The following B3GAT2 variants were observed in gnomAD, a reference collection of about 807,000 sequenced individuals.
B3GAT2 encodes beta-1,3-glucuronyltransferase 2, also known as galactosylgalactosylxylosylprotein 3-beta-glucuronosyltransferase 2.
A neutral mutation model predicts 27.8 loss-of-function variants in B3GAT2; 26 were observed. That is an observed-to-expected ratio of 0.93 (90% CI 0.68 to 1.30). The LOEUF is 1.30. Ranked by LOEUF, B3GAT2 falls within the 50% of genes most tolerant of loss-of-function variation. The pLI is 0.00. For missense variants in B3GAT2, 458 were observed against 459.0 expected (o/e 1.00, Z 0.02); for synonymous variants, 218 against 195.1 (o/e 1.12, Z -0.98).
chr6:70,903,695 G>C (rs1410913507), intron 1 of B3GAT2, among the ~76,000 whole-genome samples: 1 of 151,578 alleles, frequency 6.6e-6, no homozygotes, highest in African/African-American at 2.4e-5. Flanking sequence ...AGAAATTAAA[G>C]CCACTACTGA....
chr6:70,860,733 C>CTGTA lies in B3GAT2; in HGVS notation c.*926_*929dup, dbSNP rs1205900702. 1 of 401,422 alleles carries CTGTA rather than the reference C, an allele frequency of 2.5e-6. No individual in the cohort carries two copies. The highest frequency in any genetic ancestry group is 4.4e-6 in the Non-Finnish European group (1 of 227,496). 24.9% of individuals were successfully genotyped at this position (401,422 alleles called of 1,614,324 possible). On this transcript the variant is annotated 3_prime_UTR_variant, in exon 4 of 4. Transcript: ENST00000230053. ...TAGCCAGTAATCCTGTAGGAAGGTA[C>CTGTA]TGTATGATCAAATGTTTAATCATAT...
intron 1 of B3GAT2, among the ~76,000 whole-genome samples, chr6:70,915,930 A>G (rs1772766192): frequency 6.6e-6 from 1 of 152,014 alleles, no homozygotes; most frequent in African/African-American, 2.4e-5. Context: ...TTTTTTTCCA[A>G]TTCTGTGAAG....
In B3GAT2 at chr6:70,857,643, A is replaced by G; in HGVS notation, c.*4020T>C. On this transcript the variant is annotated 3_prime_UTR_variant, in exon 4 of 4. Transcript: ENST00000230053. Reference sequence around the variant, plus strand: ...AACAGTGTATGATGTCATGCTACATAGTTTGGTCTTCACAGTGGAAGATAT... The same window carrying G: ...AACAGTGTATGATGTCATGCTACATGGTTTGGTCTTCACAGTGGAAGATAT... 1 of 425,054 alleles carries G rather than the reference A, an allele frequency of 2.4e-6. No homozygotes were observed. Among genetic ancestry groups the G allele is most frequent in the Non-Finnish European group, 4.3e-6 (1 of 232,100 alleles). 26.3% of individuals were successfully genotyped at this position (425,054 alleles called of 1,614,324 possible).
At chr6:70,872,906 G>A (rs1224078504) in intron 2 of B3GAT2, among the ~76,000 whole-genome samples, 1 of 151,872 alleles carries the variant, frequency 6.6e-6, no homozygotes, top group African/African-American at 2.4e-5. Context: ...TAACAGTTTA[G>A]TTCAGATTAA....
Position 70,956,671 on chromosome 6 carries a change from A to C in B3GAT2, c.-242T>G. On this transcript the variant is annotated 5_prime_UTR_variant, in exon 1 of 4. Transcript: ENST00000230053. ...GGCGGGCGGGCAGGGGCTGCCCCCG[A>C]CTCCAGGTGAGCTGGCGGGAAGCGG... is the stretch of plus-strand genomic sequence containing the variant. 7.5e-7 allele frequency: 1 copy of C among 1,341,942 alleles called. No individual in the cohort carries two copies. The highest frequency in any genetic ancestry group is 9.5e-7 in the Non-Finnish European group (1 of 1,047,906). 83.1% of individuals were successfully genotyped at this position (1,341,942 alleles called of 1,614,324 possible). A position where few individuals can be genotyped will look rare whatever the true frequency, so the allele number is the denominator to read the frequency against.
chr6:70,950,690 G>T (rs1185384768), intron 1 of B3GAT2, among the ~76,000 whole-genome samples: 1 of 152,164 alleles, frequency 6.6e-6, no homozygotes, highest in East Asian at 1.9e-4. Context: ...ATTTGTTTAA[G>T]TCCTCTGTAC....
chr6:70,939,038 C>T (rs1160955167), intron 1 of B3GAT2, among the ~76,000 whole-genome samples: 1 of 151,962 alleles, frequency 6.6e-6, no homozygotes, highest in Non-Finnish European at 1.5e-5. Flanking sequence ...ACAATGAACT[C>T]AAACAAATTT....
At chr6:70,907,875 C>T (rs1772626705) in intron 1 of B3GAT2, among the ~76,000 whole-genome samples, 1 of 152,124 alleles carries the variant, frequency 6.6e-6, no homozygotes, top group African/African-American at 2.4e-5. Flanking sequence ...CTGCAGCTGC[C>T]AATATTTAGT....
At chr6:70,895,188 C>T (rs528995270) in intron 1 of B3GAT2, among the ~76,000 whole-genome samples, 2 of 152,220 alleles carry the variant, frequency 1.3e-5, no homozygotes, top group South Asian at 2.1e-4. Context: ...GTGCCTTGGA[C>T]GAGGTATAAC....
At chr6:70,942,818 G>A (rs1765415558) in intron 1 of B3GAT2, among the ~76,000 whole-genome samples, 1 of 152,170 alleles carries the variant, frequency 6.6e-6, no homozygotes, top group Non-Finnish European at 1.5e-5. Context: ...CAGGTAGGTA[G>A]AAGGAATCTT....
At chr6:70,933,669 T>A (rs965026741) in intron 1 of B3GAT2, among the ~76,000 whole-genome samples, 1 of 152,194 alleles carries the variant, frequency 6.6e-6, no homozygotes, top group Non-Finnish European at 1.5e-5. Context: ...TTTATTTAGA[T>A]GTAAAACAAC....
chr6:70,918,208 A>G (rs1772806522), intron 1 of B3GAT2, among the ~76,000 whole-genome samples: 1 of 152,164 alleles, frequency 6.6e-6, no homozygotes, highest in Admixed American at 6.5e-5. Context: ...CTGTTTCATC[A>G]GAGACCAGGA....
Position 70,956,796 on chromosome 6 carries a change from G to C in B3GAT2, c.-367C>G. 1.8e-6 allele frequency: 2 copies of C among 1,085,968 alleles called. No homozygotes were observed. Among genetic ancestry groups the C allele is most frequent in the Non-Finnish European group, 2.2e-6 (2 of 894,156 alleles). 67.3% of individuals were successfully genotyped at this position (1,085,968 alleles called of 1,614,324 possible). A position where few individuals can be genotyped will look rare whatever the true frequency, so the allele number is the denominator to read the frequency against. On this transcript the variant is annotated 5_prime_UTR_variant, in exon 1 of 4. Coordinates refer to ENST00000230053, the MANE Select transcript of B3GAT2 (RefSeq NM_080742.3). Reference sequence around the variant, plus strand: ...CTTTCTGAAGAGTGGAAGCCGAGAAGCGGCACCCGGTGCGCCTCGCCGCTC... The same window carrying C: ...CTTTCTGAAGAGTGGAAGCCGAGAACCGGCACCCGGTGCGCCTCGCCGCTC...
chr6:70,905,889 GTGTGTGTGTGTGTGTA>G (rs1347795808), intron 1 of B3GAT2, among the ~76,000 whole-genome samples: 9 of 149,222 alleles, frequency 6.0e-5, no homozygotes, highest in Admixed American at 5.4e-4. Flanking sequence ...CTGGCACTGT[GTGTGTGTGTGTGTGTA>G]TGTGTGTGTG....
chr6:70,955,123 A>T (rs1478247000), intron 1 of B3GAT2, among the ~76,000 whole-genome samples: 1 of 152,150 alleles, frequency 6.6e-6, no homozygotes, highest in Admixed American at 6.5e-5. Flanking sequence ...GGGCTGCAAA[A>T]AAGACGTAAC....
rs1463127493 is a variant in B3GAT2 at position 70,955,884 on chromosome 6, G to A, written c.546C>T (p.Phe182=). The A allele has an allele frequency of 4.4e-6, 7 of 1,605,646 alleles. No homozygotes were observed. The highest frequency in any genetic ancestry group is 1.7e-5 in the Admixed American group (1 of 59,606). The change falls in exon 1 of 4, where the codon TTC becomes TTT. Residue 182 remains phenylalanine (F), a synonymous_variant. Transcript: ENST00000230053. ...QHQRAQPGVL[F]FADDDNTYSL... The stretch of plus-strand genomic sequence containing the variant: ...TATAGGTGTTGTCGTCGTCAGCGAA[G>A]AAGAGCACGCCGGGCTGCGCGCGCT...
intron 1 of B3GAT2, among the ~76,000 whole-genome samples, chr6:70,899,721 C>T (rs911875251): frequency 4.6e-5 from 7 of 152,110 alleles, no homozygotes; most frequent in Admixed American, 4.6e-4. Flanking sequence ...AGGAAAACGG[C>T]ACAGCTATTT....
chr6:70,863,948 CA>C (rs1182835401), intron 2 of B3GAT2, among the ~76,000 whole-genome samples: 7 of 151,564 alleles, frequency 4.6e-5, no homozygotes, highest in African/African-American at 1.7e-4. Context: ...GACACCTCAA[CA>C]AAAGCCAGAG....
chr6:70,922,297 A>C (rs973698990), intron 1 of B3GAT2, among the ~76,000 whole-genome samples: 3 of 152,254 alleles, frequency 2.0e-5, no homozygotes, highest in Admixed American at 6.5e-5. Context: ...ATTTTATAGA[A>C]TAAGCACATG....
Sources: gnomAD v4.1 joint callset for allele counts (sites outside exome capture counted in the v4.1 genomes callset) on GRCh38, gnomAD v4.1.1 for gene constraint, MANE v1.5 for transcripts, NCBI Gene and HGNC (gene_info 2026-07-23, HGNC 2026-07-21) for gene names.